The following MYRIP variants were observed in gnomAD, a reference collection of about 807,000 sequenced individuals.
The protein encoded by MYRIP is myosin VIIA and Rab interacting protein, also known as rab effector MyRIP.
A neutral mutation model predicts 98.0 loss-of-function variants in MYRIP; 49 were observed. That is an observed-to-expected ratio of 0.50 (90% CI 0.40 to 0.63). The LOEUF (loss-of-function observed/expected upper bound fraction) is 0.63, where lower values mean the gene tolerates loss of function less well. Among genes scored for constraint, MYRIP ranks in the 30% least tolerant of loss-of-function variants. The pLI is 0.00. For missense variants in MYRIP, 1,004 were observed against 1,058.2 expected (o/e 0.95, Z 0.71); for synonymous variants, 404 against 409.5 (o/e 0.99, Z 0.16).
chr3:39,984,950 T>A (rs1228919489), intron 2 of MYRIP, among the ~76,000 whole-genome samples: 1 of 151,092 alleles, frequency 6.6e-6, no homozygotes, highest in East Asian at 1.9e-4. Flanking sequence ...CTCATTGTGG[T>A]TTTGATTTGC....
chr3:39,943,374 C>T (rs1408108607), intron 2 of MYRIP, among the ~76,000 whole-genome samples: 1 of 152,098 alleles, frequency 6.6e-6, no homozygotes, highest in African/African-American at 2.4e-5. Context: ...CATGTCCTTA[C>T]TCTGATGCAG....
At chr3:40,130,698 C>T (rs563670561) in intron 3 of MYRIP, among the ~76,000 whole-genome samples, 151 of 151,898 alleles carry the variant, frequency 9.9e-4, no homozygotes, top group Non-Finnish European at 1.9e-3. Context: ...AAATTTCTAC[C>T]CTCCTAAGAA....
intron 1 of MYRIP, among the ~76,000 whole-genome samples, chr3:39,845,289 A>T (rs923576415): frequency 3.9e-5 from 6 of 152,132 alleles, no homozygotes; most frequent in Non-Finnish European, 7.3e-5. Flanking sequence ...TTGGGCACAG[A>T]TGTATGCCCT....
At position 40,004,192 on chromosome 3, in the gene MYRIP, T is replaced by C. The variant is rs79287457; in HGVS notation, c.111-39858T>C. ...CTTAAAGCATTACATTTTTTACCTT[T>C]TACCTGAGGGGCTTACACTAGTCCA... On this transcript the variant is annotated intron_variant, in intron 2 of 16. Coordinates refer to ENST00000302541, the MANE Select transcript of MYRIP (RefSeq NM_015460.4). 3.8e-3 allele frequency among the ~76,000 whole-genome samples: 581 copies of C among 152,286 alleles called. 2 individuals carry two copies. The highest frequency in any genetic ancestry group is 0.013 in the African/African-American group (559 of 41,550).
At chr3:40,060,861 GGGATTAC>G (rs1947998203) in intron 3 of MYRIP, among the ~76,000 whole-genome samples, 1 of 152,054 alleles carries the variant, frequency 6.6e-6, no homozygotes, top group Non-Finnish European at 1.5e-5. Flanking sequence ...CCAAAGTGCT[GGGATTAC>G]AGGCATGAGG....
chr3:40,204,163 A>ATT (rs1951717588), intron 10 of MYRIP, among the ~76,000 whole-genome samples: 1 of 3,844 alleles, frequency 2.6e-4, no homozygotes, highest in South Asian at 0.016. Flanking sequence ...AATATATAAT[A>ATT]TAATATTTAT....
intron 2 of MYRIP, among the ~76,000 whole-genome samples, chr3:40,005,641 A>G (rs1946614982): frequency 6.6e-6 from 1 of 152,240 alleles, no homozygotes; most frequent in Non-Finnish European, 1.5e-5. Context: ...TTAATAATAG[A>G]AGTATTAGCT....
At chr3:40,011,220 C>G (rs1946753822) in intron 2 of MYRIP, among the ~76,000 whole-genome samples, 1 of 152,178 alleles carries the variant, frequency 6.6e-6, no homozygotes, top group Non-Finnish European at 1.5e-5. Context: ...ATCACAGCCA[C>G]TTTTATGTCA....
At chr3:40,026,734 T>TACTGCCACCA (rs1211654285) in intron 2 of MYRIP, among the ~76,000 whole-genome samples, 3 of 152,088 alleles carry the variant, frequency 2.0e-5, no homozygotes, top group Non-Finnish European at 4.4e-5. Flanking sequence ...CCACTGAAAT[T>TACTGCCACCA]GCCTTTCTCA....
intron 1 of MYRIP, among the ~76,000 whole-genome samples, chr3:39,871,986 T>C (rs1942804285): frequency 6.6e-6 from 1 of 152,014 alleles, no homozygotes; most frequent in African/African-American, 2.4e-5. Context: ...TCACACACCA[T>C]AGATGCTTGA....
chr3:39,936,710 G>T (rs1338831174), intron 2 of MYRIP, among the ~76,000 whole-genome samples: 1 of 152,136 alleles, frequency 6.6e-6, no homozygotes, highest in Non-Finnish European at 1.5e-5. Context: ...ACTCCCCGAC[G>T]TGGAGCTTGC....
chr3:39,840,179 G>A (rs1010682211), intron 1 of MYRIP, among the ~76,000 whole-genome samples: 1 of 152,114 alleles, frequency 6.6e-6, no homozygotes, highest in Non-Finnish European at 1.5e-5. Context: ...TATATATTTA[G>A]GATAGTTAGC....
At chr3:40,252,683 T>A (rs1488121335) in intron 16 of MYRIP, among the ~76,000 whole-genome samples, 1 of 152,162 alleles carries the variant, frequency 6.6e-6, no homozygotes, top group African/African-American at 2.4e-5. Flanking sequence ...CACTCACCTA[T>A]GTGGCAAAAT....
intron 12 of MYRIP, 31 bp from the exon 13 acceptor site, chr3:40,244,415 C>T (rs148154046): frequency 6.3e-7 from 1 of 1,580,058 alleles, no homozygotes; most frequent in African/African-American, 1.4e-5. Flanking sequence ...AGTCTGCAGA[C>T]ATGAACTCAA....
intron 1 of MYRIP, among the ~76,000 whole-genome samples, chr3:39,820,990 T>G (rs1941085113): frequency 6.6e-6 from 1 of 152,140 alleles, no homozygotes; most frequent in African/African-American, 2.4e-5. Context: ...TGGATGGGGA[T>G]GCAATGCTGA....
chr3:40,186,841 C>G (rs1166796540), intron 9 of MYRIP, among the ~76,000 whole-genome samples: 1 of 152,210 alleles, frequency 6.6e-6, no homozygotes, highest in Non-Finnish European at 1.5e-5. Context: ...CTGAGAAACC[C>G]TTACCACCTG....
chr3:39,880,847 G>A lies in MYRIP; in HGVS notation c.-30-19940G>A, dbSNP rs553221628. Among the ~76,000 whole-genome samples the A allele has an allele frequency of 2.1e-4, 32 of 152,242 alleles. 1 individual carries two copies. The South Asian group carries it at 6.6e-3, about 32-fold the overall frequency. ...GTCATATTTCATTCATTGTGTTGGAGACTCAGTGGGTCCTTTTAATCTGGA... is the reference window on the plus strand; with the variant it reads ...GTCATATTTCATTCATTGTGTTGGAAACTCAGTGGGTCCTTTTAATCTGGA... On this transcript the variant is annotated intron_variant, in intron 1 of 16. Coordinates refer to ENST00000302541, the MANE Select transcript of MYRIP (RefSeq NM_015460.4).
At chr3:39,884,708 G>A (rs183083282) in intron 1 of MYRIP, among the ~76,000 whole-genome samples, 181 of 151,578 alleles carry the variant, frequency 1.2e-3, no homozygotes, top group African/African-American at 4.1e-3. Context: ...AAATATGTAA[G>A]TTCTTGAAGA....
intron 1 of MYRIP, among the ~76,000 whole-genome samples, chr3:39,877,816 A>G (rs1186902220): frequency 6.6e-6 from 1 of 152,186 alleles, no homozygotes; most frequent in Non-Finnish European, 1.5e-5. Flanking sequence ...TTGAGGAGGC[A>G]GTCTGCCCAT....
Sources: gnomAD v4.1 joint callset for allele counts (sites outside exome capture counted in the v4.1 genomes callset) on GRCh38, gnomAD v4.1.1 for gene constraint, MANE v1.5 for transcripts, NCBI Gene and HGNC (gene_info 2026-07-23, HGNC 2026-07-21) for gene names.